Variants in LDB3 observed in about 807,000 individuals in gnomAD.
The protein encoded by LDB3 is LIM domain binding 3.
LDB3 carries 49 observed loss-of-function variants against 69.0 expected under a neutral mutation model. The observed-to-expected ratio is 0.71, with a 90% CI of 0.56 to 0.90. The LOEUF (loss-of-function observed/expected upper bound fraction) is 0.90. LDB3 is among the 40% of genes least tolerant of loss of function. The pLI is 0.00. For synonymous variants in LDB3, 387 were observed against 396.2 expected, an observed-to-expected ratio of 0.98 and a Z score of 0.28; for missense variants, 928 against 974.1, an observed-to-expected ratio of 0.95 and a Z score of 0.63.
upstream of LDB3, chr10:86,668,379 G>C: frequency 2.2e-6 from 1 of 453,486 alleles, no homozygotes; most frequent in East Asian, 4.4e-5. Flanking sequence ...CTCCCCAGGG[G>C]CTATATTAGC....
At chr10:86,676,735 C>T in intron 2 of LDB3, among the ~76,000 whole-genome samples, 1 of 152,244 alleles carries the variant, frequency 6.6e-6, no homozygotes, top group Non-Finnish European at 1.5e-5. Context: ...AGAAACAACT[C>T]AGTTCCTGGG....
intron 8 of LDB3, among the ~76,000 whole-genome samples, chr10:86,707,080 G>T (rs17426017): frequency 0.063 from 9,577 of 152,142 alleles, 352 homozygotes; most frequent in Middle Eastern, 0.11. Context: ...AGGGGACTGT[G>T]GAAAAAGTCT....
rs727503131 is a variant in LDB3, at chr10:86,718,076, T to A, written c.1789T>A (p.Tyr597Asn). ...VCFVEEQNNV[Y>N]CERCYEQFFA... Reference sequence around the variant, plus strand: ...CTTTGTGGAAGAGCAGAACAACGTTTACTGTGAGCGATGTTATGAGCAATT... The same window carrying A: ...CTTTGTGGAAGAGCAGAACAACGTTAACTGTGAGCGATGTTATGAGCAATT... The change falls in exon 11 of 14, where the codon TAC (tyrosine) becomes AAC (asparagine). Residue 597 changes from tyrosine to asparagine, a missense_variant. Coordinates refer to ENST00000361373, the MANE Select transcript of LDB3 (RefSeq NM_007078.3). The A allele has an allele frequency of 4.5e-5, 72 of 1,614,054 alleles. No individual in the cohort carries two copies. The highest frequency in any genetic ancestry group is 5.7e-5 in the Non-Finnish European group (67 of 1,180,034).
rs1564632706 is a variant in LDB3 at position 86,679,260 on chromosome 10, C to T, written c.94-107C>T. The T allele has an allele frequency of 1.5e-5, 21 of 1,407,422 alleles. 1 individual carries two copies. The South Asian group carries it at 2.5e-4, about 16-fold the overall frequency. 87.2% of individuals were successfully genotyped at this position (1,407,422 alleles called of 1,614,324 possible). A position where few individuals can be genotyped will look rare whatever the true frequency, so the allele number is the denominator to read the frequency against. ...TACTGGCCGTAGCGAATGAAAAACA[C>T]AATGACGGCTTCTGTTGAATACTCC... On this transcript the variant is annotated intron_variant, in intron 2 of 13. Coordinates refer to ENST00000361373, the MANE Select transcript of LDB3 (RefSeq NM_007078.3).
At chr10:86,670,104 T>C (rs1267795262) in intron 2 of LDB3, among the ~76,000 whole-genome samples, 1 of 152,130 alleles carries the variant, frequency 6.6e-6, no homozygotes, top group Non-Finnish European at 1.5e-5. Flanking sequence ...GAGAGCCTTA[T>C]AATAGCCATA....
At position 86,680,131 on chromosome 10, in the gene LDB3, C is replaced by T. The variant is rs201693259; in HGVS notation, c.295C>T (p.Pro99Ser). 4.3e-4 allele frequency: 694 copies of T among 1,614,212 alleles called. 3 individuals are homozygous for T. The highest frequency in any genetic ancestry group is 8.8e-5 in the Non-Finnish European group (104 of 1,180,008). The change falls in exon 4 of 14, where the codon CCT (proline) becomes TCT (serine). Residue 99 changes from proline to serine, a missense_variant. By Grantham distance (74) the Pro-to-Ser change is moderately conservative. Transcript: ENST00000361373. ...CACGACAGCACCTCCAGTCCAGACCCCTCTGCCGGTGATCCCTCACCAGAA... is the reference window on the plus strand; with the variant it reads ...CACGACAGCACCTCCAGTCCAGACCTCTCTGCCGGTGATCCCTCACCAGAA... The part of the protein sequence containing the change: ...ISTTAPPVQT[P>S]LPVIPHQKDP...
chr10:86,706,235 A>T (rs140990490), intron 7 of LDB3, among the ~76,000 whole-genome samples: 1 of 150,760 alleles, frequency 6.6e-6, no homozygotes, highest in African/African-American at 2.4e-5. Context: ...TGAAAAAGAA[A>T]AATTAGGAAG....
intron 9 of LDB3, among the ~76,000 whole-genome samples, chr10:86,715,114 G>T (rs1299987679): frequency 6.6e-6 from 1 of 152,076 alleles, no homozygotes; most frequent in Admixed American, 6.6e-5. Context: ...TGGGGCCAGG[G>T]TCTTAGGCCC....
At chr10:86,718,951 G>C in intron 12 of LDB3, 104 bp downstream of exon 12, 3 of 1,434,966 alleles carry the variant, frequency 2.1e-6, no homozygotes, top group Non-Finnish European at 2.8e-6. Context: ...CGACCACCCA[G>C]AGGCCTTTAT....
intron 5 of LDB3, chr10:86,685,640 T>A: frequency 6.2e-7 from 1 of 1,613,310 alleles, no homozygotes; most frequent in South Asian, 1.1e-5. Context: ...GGAGCCTCTC[T>A]CTGACCACCC....
intron 2 of LDB3, among the ~76,000 whole-genome samples, chr10:86,669,428 CT>C (rs1009745023): frequency 6.6e-6 from 1 of 152,240 alleles, no homozygotes; most frequent in Non-Finnish European, 1.5e-5. Flanking sequence ...AGATGGCCCC[CT>C]ATCCTGCAGT....
chr10:86,719,553 A>G (rs544974564), intron 12 of LDB3, among the ~76,000 whole-genome samples: 2 of 152,174 alleles, frequency 1.3e-5, no homozygotes, highest in Non-Finnish European at 2.9e-5. Context: ...GCTGCTTTGT[A>G]AACCTGAGCA....
At chr10:86,716,880 T>C (rs1846899299) in intron 10 of LDB3, 109 bp downstream of exon 10, 2 of 1,229,410 alleles carry the variant, frequency 1.6e-6, no homozygotes, top group Non-Finnish European at 2.3e-6. Context: ...GAGGCAGGTG[T>C]AGGGAGAAAG....
At chr10:86,667,752 T>C (rs894872020), upstream of LDB3, among the ~76,000 whole-genome samples, 2 of 152,168 alleles carry the variant, frequency 1.3e-5, no homozygotes, top group African/African-American at 4.8e-5. Flanking sequence ...CTGGAGGGGA[T>C]GGGCCTGCCT....
chr10:86,730,096 C>T (rs1847402668), intron 13 of LDB3, among the ~76,000 whole-genome samples: 1 of 141,574 alleles, frequency 7.1e-6, no homozygotes, highest in African/African-American at 2.5e-5. Context: ...CTCATTGGCT[C>T]CCAGAACCCA....
Position 86,699,210 on chromosome 10 carries a change from CTT to C in LDB3, c.896+6640_896+6641del. ...CCCTAACCCCTTTCATTCTCCCTCT[CTT>C]CTCTCTCTTTCTGTCTCTGTCTCTG... On this transcript the variant is annotated intron_variant, in intron 7 of 13. Coordinates refer to ENST00000361373, the MANE Select transcript of LDB3 (RefSeq NM_007078.3). This position sits in a 1 kb window ranked among gnomAD's most constrained non-coding sequence, Gnocchi z 4.9. The C allele has an allele frequency of 1.3e-6, 2 of 1,578,490 alleles. No homozygotes were observed. The highest frequency in any genetic ancestry group is 1.7e-6 in the Non-Finnish European group (2 of 1,153,940).
At chr10:86,722,471 A>T (rs1419645338) in intron 12 of LDB3, among the ~76,000 whole-genome samples, 2 of 150,936 alleles carry the variant, frequency 1.3e-5, no homozygotes, top group Non-Finnish European at 2.9e-5. Context: ...CATGTTAGCC[A>T]GGATGGTCTC....
rs1353972543 is a variant in LDB3, at chr10:86,692,065, A to G, written c.859A>G (p.Met287Val). The G allele has an allele frequency of 4.3e-6, 7 of 1,613,902 alleles. No homozygotes were observed. Among genetic ancestry groups the G allele is most frequent in the Non-Finnish European group, 5.9e-6 (7 of 1,180,050 alleles). The change falls in exon 6 of 14, where the codon ATG becomes GTG. Residue 287 changes from methionine to valine, a missense_variant and splice_region_variant. Coordinates refer to ENST00000361373, the MANE Select transcript of LDB3 (RefSeq NM_007078.3). ...ILAQMTGTEF[M>V]QDPDEEALRR... ...GGCCCAGATGACGGGGACAGAATTC[A>G]GTGAGTGCAGGCTCTCAGGGTGGCT...
intron 2 of LDB3, among the ~76,000 whole-genome samples, chr10:86,670,950 A>G (rs1188422955): frequency 1.3e-5 from 2 of 152,170 alleles, no homozygotes; most frequent in Non-Finnish European, 2.9e-5. Flanking sequence ...CAGCCCTGCC[A>G]TCCCACCAGG....
Sources: allele counts gnomAD v4.1 joint callset (sites outside exome capture counted in the v4.1 genomes callset), GRCh38; gene constraint gnomAD v4.1.1; non-coding constraint Gnocchi (gnomAD v3.1); transcripts MANE v1.5; gene names NCBI Gene and HGNC (gene_info 2026-07-23, HGNC 2026-07-21).